The following ANP32B variants were observed in gnomAD, a reference collection of about 807,000 sequenced individuals.
The protein encoded by ANP32B is acidic leucine-rich nuclear phosphoprotein 32 family member B.
ANP32B carries 6 observed loss-of-function variants against 32.2 expected under a neutral mutation model. That is an observed-to-expected ratio of 0.19 (90% CI 0.10 to 0.37). ANP32B has a LOEUF of 0.37. ANP32B is among the 10% of genes least tolerant of loss of function. The pLI, the probability that ANP32B is intolerant of heterozygous loss-of-function variation, is 1.00. For synonymous variants in ANP32B, 98 were observed against 105.8 expected (o/e 0.93, Z 0.45); for missense variants, 204 against 289.2 (o/e 0.71, Z 2.14).
intron 1 of ANP32B, among the ~76,000 whole-genome samples, chr9:97,985,075 CCGCCGCGGA>C (rs1003418630): frequency 3.3e-5 from 5 of 150,300 alleles, no homozygotes; most frequent in Middle Eastern, 3.2e-3. Context: ...AGCCCCCCCC[CCGCCGCGGA>C]CCGGCGCGGG....
intron 3 of ANP32B, 102 bp from the exon 4 acceptor site, chr9:98,004,862 G>A (rs1587878147): frequency 1.1e-6 from 1 of 900,084 alleles, no homozygotes. Flanking sequence ...AGTGGGTAGT[G>A]GAAATTGAAT....
At chr9:97,997,439 A>G (rs1238612052) in intron 2 of ANP32B, among the ~76,000 whole-genome samples, 1 of 152,208 alleles carries the variant, frequency 6.6e-6, no homozygotes, top group East Asian at 1.9e-4. Flanking sequence ...ACTTCATTAC[A>G]TGAAGCTTTC....
In ANP32B at chr9:98,015,503, A is replaced by T. The variant is rs1278934032; in HGVS notation, c.*72A>T. The T allele has an allele frequency of 1.0e-4, 26 of 260,972 alleles. No homozygotes were observed. Among genetic ancestry groups the T allele is most frequent in the South Asian group, 4.6e-4 (6 of 13,168 alleles). The allele number at this position is 260,972 out of a possible 1,614,324, so 16.2% of individuals were successfully genotyped here. A position where few individuals can be genotyped will look rare whatever the true frequency, so the allele number is the denominator to read the frequency against. ...CTGCTCATGGATTTTGTAGCTGTTT[A>T]AAAAAAAAAAAAAGGTAGCTGTGAT... On this transcript the variant is annotated 3_prime_UTR_variant, in exon 7 of 7. Transcript: ENST00000339399.
chr9:97,993,958 A>G (rs1827868084), intron 1 of ANP32B, among the ~76,000 whole-genome samples: 1 of 152,218 alleles, frequency 6.6e-6, no homozygotes, highest in Admixed American at 6.5e-5. Flanking sequence ...GGATGGACTT[A>G]AATTCTGAAA....
At chr9:98,010,589 A>G (rs1207561470) in intron 4 of ANP32B, among the ~76,000 whole-genome samples, 1 of 152,006 alleles carries the variant, frequency 6.6e-6, no homozygotes, top group Non-Finnish European at 1.5e-5. Context: ...TCCAAGGTGG[A>G]GTCAGAGTTA....
intron 1 of ANP32B, among the ~76,000 whole-genome samples, chr9:97,985,221 G>T (rs912681572): frequency 6.6e-6 from 1 of 152,086 alleles, no homozygotes; most frequent in African/African-American, 2.4e-5. Context: ...AGGTGGCTGT[G>T]GTTAACAAGT....
At chr9:98,006,586 C>G (rs1215575560) in intron 4 of ANP32B, among the ~76,000 whole-genome samples, 2 of 152,198 alleles carry the variant, frequency 1.3e-5, no homozygotes, top group Non-Finnish European at 2.9e-5. Flanking sequence ...AAAGAAAATA[C>G]CAAGAGTGCT....
At chr9:97,997,106 T>G (rs1827918012) in intron 2 of ANP32B, among the ~76,000 whole-genome samples, 1 of 152,234 alleles carries the variant, frequency 6.6e-6, no homozygotes, top group Non-Finnish European at 1.5e-5. Flanking sequence ...CATGTGTATG[T>G]GATATTCTAA....
intron 4 of ANP32B, among the ~76,000 whole-genome samples, chr9:98,005,566 GTGTT>G: frequency 6.6e-6 from 1 of 152,090 alleles, no homozygotes; most frequent in Middle Eastern, 3.2e-3. Flanking sequence ...AAAATAGTGT[GTGTT>G]TGTGTGCGTG....
At chr9:97,993,460 A>C (rs142150713) in intron 1 of ANP32B, among the ~76,000 whole-genome samples, 1 of 152,332 alleles carries the variant, frequency 6.6e-6, no homozygotes, top group Non-Finnish European at 1.5e-5. Context: ...GTTCACTAAA[A>C]GAATGCCTTT....
intron 2 of ANP32B, among the ~76,000 whole-genome samples, chr9:97,995,146 A>G (rs1208563063): frequency 6.6e-6 from 1 of 152,244 alleles, no homozygotes; most frequent in Non-Finnish European, 1.5e-5. Context: ...TTTCGGAAAA[A>G]GGGACCAAAT....
intron 1 of ANP32B, among the ~76,000 whole-genome samples, chr9:97,984,231 C>G (rs1327964099): frequency 1.6e-4 from 24 of 149,980 alleles, no homozygotes; most frequent in Admixed American, 6.0e-4. Context: ...GCCCGGCGCG[C>G]GGAGCGGGGG....
At chr9:97,994,031 A>T (rs1280680297) in intron 1 of ANP32B, among the ~76,000 whole-genome samples, 2 of 152,246 alleles carry the variant, frequency 1.3e-5, no homozygotes, top group African/African-American at 2.4e-5. Context: ...TGCTAGAAAC[A>T]TCTTTCTCAA....
intron 1 of ANP32B, among the ~76,000 whole-genome samples, chr9:97,986,115 C>CT (rs1221674996): frequency 2.0e-5 from 3 of 152,250 alleles, no homozygotes; most frequent in Non-Finnish European, 2.9e-5. Context: ...GCCACCGCCC[C>CT]CGGCCACCAG....
At chr9:97,992,930 G>C (rs1827852110) in intron 1 of ANP32B, among the ~76,000 whole-genome samples, 1 of 152,156 alleles carries the variant, frequency 6.6e-6, no homozygotes, top group Non-Finnish European at 1.5e-5. Flanking sequence ...GGAAACTGAG[G>C]CACAGAGAAG....
At chr9:97,996,605 G>C (rs1432637878) in intron 2 of ANP32B, among the ~76,000 whole-genome samples, 1 of 151,922 alleles carries the variant, frequency 6.6e-6, no homozygotes, top group Non-Finnish European at 1.5e-5. Flanking sequence ...GTTTTGTTTT[G>C]TTTTTGAGAT....
chr9:98,014,432 A>G (rs990320001), intron 6 of ANP32B, among the ~76,000 whole-genome samples: 31 of 152,072 alleles, frequency 2.0e-4, no homozygotes, highest in African/African-American at 7.5e-4. Flanking sequence ...CCTGTATGAA[A>G]TATGATTTAA....
At chr9:98,000,943 C>T (rs868650862) in intron 3 of ANP32B, among the ~76,000 whole-genome samples, 15 of 150,380 alleles carry the variant, frequency 1.0e-4, no homozygotes, top group South Asian at 6.4e-4. Context: ...AAAAAAAATT[C>T]GAAGTCTGCT....
rs1349381889 is a variant in ANP32B, at chr9:97,998,542, A to G, written c.205-14A>G. 4 of 1,600,216 alleles carry G rather than the reference A, an allele frequency of 2.5e-6. No individual in the cohort carries two copies. The highest frequency in any genetic ancestry group is 2.7e-5 in the African/African-American group (2 of 74,274). On this transcript the variant is annotated splice_polypyrimidine_tract_variant and intron_variant, in intron 2 of 6. Transcript: ENST00000339399. Reference sequence around the variant, plus strand: ...GTGTATTTGTGTTTGTGTTGTGTCCATTTTCTCTTGCAGCTTGAACTCAGT... The same window carrying G: ...GTGTATTTGTGTTTGTGTTGTGTCCGTTTTCTCTTGCAGCTTGAACTCAGT...
Sources: gnomAD v4.1 joint callset for allele counts (sites outside exome capture counted in the v4.1 genomes callset) on GRCh38, gnomAD v4.1.1 for gene constraint, MANE v1.5 for transcripts, NCBI Gene and HGNC (gene_info 2026-07-23, HGNC 2026-07-21) for gene names.